The following TRIM37 variants were observed in gnomAD, a reference collection of about 807,000 sequenced individuals.
TRIM37 encodes tripartite motif containing 37, also known as E3 ubiquitin-protein ligase TRIM37.
A neutral mutation model predicts 129.8 loss-of-function variants in TRIM37; 80 were observed. That is an observed-to-expected ratio of 0.62 (90% CI 0.51 to 0.74). The LOEUF is 0.74. Ranked by LOEUF, TRIM37 falls within the 30% of genes least tolerant of loss-of-function variation. The pLI is 0.00. For synonymous variants in TRIM37, 389 were observed against 387.1 expected, an observed-to-expected ratio of 1.00 and a Z score of -0.06; for missense variants, 1,054 against 1,176.5, an observed-to-expected ratio of 0.90 and a Z score of 1.52.
rs1599174481 is a variant in TRIM37, at chr17:59,051,407, G to A, written c.1200-79C>T. On this transcript the variant is annotated intron_variant, in intron 13 of 23. Transcript: ENST00000262294. Reference sequence around the variant, plus strand: ...AGTCTAGCACTGAATTCTGCAATTTGGGTTAACTTGATTATAAGGCCAAAA... The same window carrying A: ...AGTCTAGCACTGAATTCTGCAATTTAGGTTAACTTGATTATAAGGCCAAAA... 6.9e-6 allele frequency: 7 copies of A among 1,021,818 alleles called. No homozygotes were observed. The South Asian group carries it at 9.3e-5, about 14-fold the overall frequency. The allele number at this position is 1,021,818 out of a possible 1,614,324, so 63.3% of individuals were successfully genotyped here.
intron 22 of TRIM37, among the ~76,000 whole-genome samples, chr17:59,002,487 C>T (rs2144560729): frequency 6.6e-6 from 1 of 152,230 alleles, no homozygotes; most frequent in Admixed American, 6.5e-5. Flanking sequence ...AAGAGATCCT[C>T]CCACTTTAGC....
Position 59,017,284 on chromosome 17 carries a change from C to A in TRIM37, c.2386+12G>T. 6.2e-7 allele frequency: 1 copy of A among 1,613,798 alleles called. No individual in the cohort carries two copies. The highest frequency in any genetic ancestry group is 1.1e-5 in the South Asian group (1 of 91,064). On this transcript the variant is annotated intron_variant, in intron 20 of 23. Transcript: ENST00000262294. ...CCCCACTAAAAGTACATTCTGAATCCCTCAAATTTACCTTCAGACAGAGTC... is the reference window on the plus strand; with the variant it reads ...CCCCACTAAAAGTACATTCTGAATCACTCAAATTTACCTTCAGACAGAGTC...
At chr17:59,043,405 A>T (rs755790000) in intron 16 of TRIM37, among the ~76,000 whole-genome samples, 4 of 152,178 alleles carry the variant, frequency 2.6e-5, no homozygotes, top group Admixed American at 6.5e-5. Flanking sequence ...TGGGTAAGAC[A>T]AGTGGGCATC....
chr17:59,048,507 C>T (rs530720346), intron 15 of TRIM37, among the ~76,000 whole-genome samples: 1 of 152,332 alleles, frequency 6.6e-6, no homozygotes, highest in South Asian at 2.1e-4. Context: ...TGGGATAGAA[C>T]CTGGCTAGCT....
chr17:59,053,286 T>C (rs2040524889), intron 13 of TRIM37, among the ~76,000 whole-genome samples: 1 of 152,190 alleles, frequency 6.6e-6, no homozygotes, highest in Non-Finnish European at 1.5e-5. Flanking sequence ...CTTAAATAAC[T>C]TTCTAATAAA....
At chr17:59,001,215 GAAAA>G (rs1000568960) in intron 23 of TRIM37, among the ~76,000 whole-genome samples, 9 of 130,502 alleles carry the variant, frequency 6.9e-5, no homozygotes, top group Non-Finnish European at 1.0e-4. Flanking sequence ...AAAAAAAAAA[GAAAA>G]AAAAAACCCA....
chr17:59,099,379 T>C (rs1171113241), intron 2 of TRIM37, among the ~76,000 whole-genome samples: 2 of 152,108 alleles, frequency 1.3e-5, no homozygotes. Flanking sequence ...TGTTTACTTA[T>C]GTTTATTTTC....
intron 17 of TRIM37, among the ~76,000 whole-genome samples, chr17:59,035,898 C>A (rs765466290): frequency 1.3e-5 from 2 of 152,130 alleles, no homozygotes; most frequent in Non-Finnish European, 2.9e-5. Flanking sequence ...TAAAATGTCA[C>A]ACTTATATAC....
At chr17:58,978,693 A>AAAAAAT (rs986241939), downstream of TRIM37, among the ~76,000 whole-genome samples, 7 of 152,350 alleles carry the variant, frequency 4.6e-5, no homozygotes, top group South Asian at 2.1e-4. Flanking sequence ...CCTGGGCGAC[A>AAAAAAT]AAAAATAAAA....
In TRIM37 at chr17:59,031,925, C is replaced by A. The variant is rs112762655; in HGVS notation, c.1919G>T (p.Arg640Leu). 8 of 1,613,858 alleles carry A rather than the reference C, an allele frequency of 5.0e-6. No individual in the cohort carries two copies. In the Admixed American group the frequency reaches 6.7e-5, roughly 13 times the overall value. The change falls in exon 18 of 24, where the codon CGC becomes CTC. Residue 640 changes from arginine to leucine, a missense_variant. Arg to Leu is a moderately radical substitution (Grantham distance 102). Transcript: ENST00000262294. ...GGGCTGCAGAAGTGAAGCAGGTGGG[C>A]GAGGCTGTAAGCCCCACAAATTTTC... Reference protein sequence around the residue: ...SIENLWGLQPRPPASLLQPTA... With the variant: ...SIENLWGLQPLPPASLLQPTA...
chr17:59,008,277 C>T (rs141932380), intron 22 of TRIM37, among the ~76,000 whole-genome samples: 4 of 152,328 alleles, frequency 2.6e-5, no homozygotes, highest in African/African-American at 9.6e-5. Flanking sequence ...TGCACATTCA[C>T]AGCAATTTTT....
intron 11 of TRIM37, among the ~76,000 whole-genome samples, chr17:59,061,622 A>G (rs180920612): frequency 6.6e-6 from 1 of 152,246 alleles, no homozygotes; most frequent in East Asian, 1.9e-4. Context: ...TTTTATAAAG[A>G]TAATTACTCC....
At chr17:59,042,276 T>C (rs1304047252) in intron 16 of TRIM37, among the ~76,000 whole-genome samples, 2 of 146,888 alleles carry the variant, frequency 1.4e-5, no homozygotes, top group African/African-American at 5.1e-5. Context: ...CTCAGGAGGC[T>C]GAATCAGGAG....
chr17:59,015,644 C>T lies in TRIM37; in HGVS notation c.2542G>A (p.Ala848Thr). 1 of 1,614,100 alleles carries T rather than the reference C, an allele frequency of 6.2e-7. No individual in the cohort carries two copies. The highest frequency in any genetic ancestry group is 8.5e-7 in the Non-Finnish European group (1 of 1,180,020). Reference protein sequence around the residue: ...VVVAVFSGLPAVEKRRKMVTL... With the variant: ...VVVAVFSGLPTVEKRRKMVTL... ...ACCATTTTCCTCCTTTTCTCAACCG[C>T]AGGCAAGCCACTGAAAACTGCAACC... Residue 848 changes from alanine to threonine, a missense_variant, in exon 21 of 24, where the codon GCG becomes ACG. Around this residue, in one of 3 missense-constraint regions of TRIM37, gnomAD observed 287 missense variants for 274.3 expected, o/e 1.05. Transcript: ENST00000262294.
chr17:58,980,651 T>C, downstream of TRIM37: 1 of 1,614,152 alleles, frequency 6.2e-7, no homozygotes, highest in Non-Finnish European at 8.5e-7. This position sits in a 1 kb window ranked among gnomAD's most constrained non-coding sequence, Gnocchi z 4.7. Flanking sequence ...TCCCACTGCT[T>C]TCAATTTGGG....
At chr17:58,968,230 T>C in the TRIM37 span, among the ~76,000 whole-genome samples, 1 of 152,210 alleles carries the variant, frequency 6.6e-6, no homozygotes, top group Non-Finnish European at 1.5e-5. Flanking sequence ...GACATTTATA[T>C]TTGATACTTT....
chr17:59,063,762 T>C (rs2041697816), intron 10 of TRIM37, among the ~76,000 whole-genome samples: 1 of 152,230 alleles, frequency 6.6e-6, no homozygotes, highest in Non-Finnish European at 1.5e-5. Context: ...TTCCCAGCAC[T>C]TTTATTTCTG....
chr17:58,970,948 G>C, the TRIM37 span, among the ~76,000 whole-genome samples: 15 of 151,800 alleles, frequency 9.9e-5, no homozygotes, highest in African/African-American at 3.6e-4. Flanking sequence ...TTTTTCCTCT[G>C]TCTTCTCAAA....
At chr17:59,000,485 C>CAGCT (rs2033567201) in intron 23 of TRIM37, among the ~76,000 whole-genome samples, 2 of 152,034 alleles carry the variant, frequency 1.3e-5, no homozygotes, top group Non-Finnish European at 2.9e-5. Context: ...CCTGTAGTCC[C>CAGCT]AGCTATTCAG....
Sources: allele counts gnomAD v4.1 joint callset (sites outside exome capture counted in the v4.1 genomes callset), GRCh38; gene constraint gnomAD v4.1.1; regional missense constraint gnomAD v4.1.1; non-coding constraint Gnocchi (gnomAD v3.1); transcripts MANE v1.5; gene names NCBI Gene and HGNC (gene_info 2026-07-23, HGNC 2026-07-21).